Variants in PIGC observed in about 807,000 individuals in gnomAD.
PIGC encodes the protein phosphatidylinositol N-acetylglucosaminyltransferase subunit C.
A neutral mutation model predicts 20.9 loss-of-function variants in PIGC; 14 were observed. The observed-to-expected ratio is 0.67, with a 90% CI of 0.44 to 1.05. The LOEUF is 1.05. Among genes scored for constraint, PIGC ranks in the 50% least tolerant of loss-of-function variants. The probability of loss-of-function intolerance (pLI) is 0.00; values close to 1 mark genes in which losing one functional copy is unlikely to be tolerated. For missense variants in PIGC, 310 were observed against 360.9 expected (o/e 0.86, Z 1.14); for synonymous variants, 132 against 141.4 (o/e 0.93, Z 0.47).
At position 172,442,304 on chromosome 1, in the gene PIGC, C is replaced by T; in HGVS notation, c.319G>A (p.Glu107Lys). The change falls in exon 2 of 2, where the codon GAA (glutamate) becomes AAA (lysine). Residue 107 changes from glutamate (E) to lysine (K), a missense_variant. Glu to Lys is a moderately conservative substitution (Grantham distance 56). Coordinates refer to ENST00000344529, the MANE Select transcript of PIGC (RefSeq NM_153747.2). Reference protein sequence around the residue: ...YVLFDLIDGGEGRKKSGQTRW... With the variant: ...YVLFDLIDGGKGRKKSGQTRW... ...GTCTGCCCACTCTTCTTCCGCCCTT[C>T]ACCTCCATCAATGAGATCAAACAAA... The T allele has an allele frequency of 6.2e-7, 1 of 1,613,572 alleles. No individual in the cohort carries two copies. Among genetic ancestry groups the T allele is most frequent in the Non-Finnish European group, 8.5e-7 (1 of 1,180,020 alleles).
Position 172,441,583 on chromosome 1 carries a change from C to T in PIGC, c.*146G>A. 1.5e-6 allele frequency: 1 copy of T among 687,036 alleles called. No individual in the cohort carries two copies. The highest frequency in any genetic ancestry group is 3.2e-5 in the South Asian group (1 of 31,362). The allele number at this position is 687,036 out of a possible 1,614,324, so 42.6% of individuals were successfully genotyped here. On this transcript the variant is annotated 3_prime_UTR_variant, in exon 2 of 2. Coordinates refer to ENST00000344529, the MANE Select transcript of PIGC (RefSeq NM_153747.2). Reference sequence around the variant, plus strand: ...AGGATAAGCACCCTCACCACCCAAGCCTTTGGTTCATTTTTTTTGGTTTTG... The same window carrying T: ...AGGATAAGCACCCTCACCACCCAAGTCTTTGGTTCATTTTTTTTGGTTTTG...
chr1:172,442,725 T>G lies in PIGC; in HGVS notation c.-103A>C. The stretch of plus-strand genomic sequence containing the variant: ...TTTGAAATGAGACCTCCCTGGAAAT[T>G]CCATGCTGTGTTGATGTTCTACCAA... On this transcript the variant is annotated 5_prime_UTR_variant, in exon 2 of 2. Coordinates refer to ENST00000344529, the MANE Select transcript of PIGC (RefSeq NM_153747.2). The G allele has an allele frequency of 1.0e-6, 1 of 994,490 alleles. No homozygotes were observed. The highest frequency in any genetic ancestry group is 1.5e-6 in the Non-Finnish European group (1 of 648,362). 61.6% of individuals were successfully genotyped at this position (994,490 alleles called of 1,614,324 possible).
rs767758085 is a variant in PIGC, at chr1:172,441,695, C to T, written c.*34G>A. On this transcript the variant is annotated 3_prime_UTR_variant, in exon 2 of 2. Coordinates refer to ENST00000344529, the MANE Select transcript of PIGC (RefSeq NM_153747.2). ...TATACTAGTTAGGAGGCTAATCTAT[C>T]AGCTTGCTTTAATAATGTAATGGAT... 1.3e-5 allele frequency: 20 copies of T among 1,494,034 alleles called. No homozygotes were observed. Among genetic ancestry groups the T allele is most frequent in the Admixed American group, 4.5e-5 (2 of 44,680 alleles). The allele number at this position is 1,494,034 out of a possible 1,614,324, so 92.5% of individuals were successfully genotyped here.
At position 172,441,575 on chromosome 1, in the gene PIGC, C is replaced by A; in HGVS notation, c.*154G>T. On this transcript the variant is annotated 3_prime_UTR_variant, in exon 2 of 2. Coordinates refer to ENST00000344529, the MANE Select transcript of PIGC (RefSeq NM_153747.2). Reference sequence around the variant, plus strand: ...TAACAGAAAGGATAAGCACCCTCACCACCCAAGCCTTTGGTTCATTTTTTT... The same window carrying A: ...TAACAGAAAGGATAAGCACCCTCACAACCCAAGCCTTTGGTTCATTTTTTT... The A allele has an allele frequency of 1.6e-6, 1 of 621,938 alleles. No homozygotes were observed. Among genetic ancestry groups the A allele is most frequent in the Admixed American group, 2.9e-5 (1 of 34,742 alleles). The allele number at this position is 621,938 out of a possible 1,614,324, so 38.5% of individuals were successfully genotyped here. A position where few individuals can be genotyped will look rare whatever the true frequency, so the allele number is the denominator to read the frequency against.
Position 172,444,030 on chromosome 1 carries a change from C to G in PIGC, c.-251G>C. 2 of 1,000,102 alleles carry G rather than the reference C, an allele frequency of 2.0e-6. No individual in the cohort carries two copies. Among genetic ancestry groups the G allele is most frequent in the Non-Finnish European group, 2.4e-6 (2 of 830,194 alleles). The allele number at this position is 1,000,102 out of a possible 1,614,324, so 62.0% of individuals were successfully genotyped here. On this transcript the variant is annotated 5_prime_UTR_variant, in exon 1 of 2. Transcript: ENST00000344529. Reference sequence around the variant, plus strand: ...TGCGCAGCTGGGGGACGGCGGCACCCAGCCTTTTTCCCGCTTCGGGGCGCC... The same window carrying G: ...TGCGCAGCTGGGGGACGGCGGCACCGAGCCTTTTTCCCGCTTCGGGGCGCC...
At position 172,442,019 on chromosome 1, in the gene PIGC, T is replaced by A. The variant is rs1573853653; in HGVS notation, c.604A>T (p.Met202Leu). The change falls in exon 2 of 2, where the codon ATG becomes TTG. Residue 202 changes from methionine (M) to leucine (L), a missense_variant. Transcript: ENST00000344529. ...AAAATCTGAATGGCAAATGTCACCA[T>A]GATGAAGGCATGCAGGGACCGGGGA... ...RLPRSLHAFI[M>L]VTFAIQIFAL... The A allele has an allele frequency of 6.2e-7, 1 of 1,614,178 alleles. No individual in the cohort carries two copies. The highest frequency in any genetic ancestry group is 1.6e-4 in the Middle Eastern group (1 of 6,062).
At position 172,442,698 on chromosome 1, in the gene PIGC, G is replaced by T; in HGVS notation, c.-76C>A. The stretch of plus-strand genomic sequence containing the variant: ...CCAGGTGGTTCTTGTTCTTTATGAA[G>T]TTTTGAAATGAGACCTCCCTGGAAA... On this transcript the variant is annotated 5_prime_UTR_variant, in exon 2 of 2. Transcript: ENST00000344529. The T allele has an allele frequency of 7.8e-7, 1 of 1,281,966 alleles. No homozygotes were observed. Among genetic ancestry groups the T allele is most frequent in the Non-Finnish European group, 1.1e-6 (1 of 907,868 alleles). 79.4% of individuals were successfully genotyped at this position (1,281,966 alleles called of 1,614,324 possible). A position where few individuals can be genotyped will look rare whatever the true frequency, so the allele number is the denominator to read the frequency against.
At chr1:172,442,954 G>T in intron 1 of PIGC, 124 bp from the exon 2 acceptor site, 1 of 231,826 alleles carries the variant, frequency 4.3e-6, no homozygotes, top group South Asian at 1.1e-4. Context: ...TCACCTTATG[G>T]GACATTAAAA....
Position 172,444,017 on chromosome 1 carries a change from G to C in PIGC, c.-238C>G, listed in dbSNP as rs1647665880. 1.0e-6 allele frequency: 1 copy of C among 1,000,054 alleles called. No homozygotes were observed. The highest frequency in any genetic ancestry group is 1.2e-6 in the Non-Finnish European group (1 of 830,176). The allele number at this position is 1,000,054 out of a possible 1,614,324, so 61.9% of individuals were successfully genotyped here. On this transcript the variant is annotated 5_prime_UTR_variant, in exon 1 of 2. Coordinates refer to ENST00000344529, the MANE Select transcript of PIGC (RefSeq NM_153747.2). ...GAGTTCCTAGGGTTGCGCAGCTGGG[G>C]GACGGCGGCACCCAGCCTTTTTCCC... is the stretch of plus-strand genomic sequence containing the variant.
chr1:172,441,751 T>A lies in PIGC; in HGVS notation c.872A>T (p.Asp291Val), dbSNP rs1347758403. 1 of 1,559,858 alleles carries A rather than the reference T, an allele frequency of 6.4e-7. No homozygotes were observed. Among genetic ancestry groups the A allele is most frequent in the Admixed American group, 2.0e-5 (1 of 50,900 alleles). ...AATTTAACTGAGGAACCTGGACAAGTCTTCCTTGATTTCAGCTTCATCCCA... is the reference window on the plus strand; with the variant it reads ...AATTTAACTGAGGAACCTGGACAAGACTTCCTTGATTTCAGCTTCATCCCA... ...GPWDEAEIKE[D>V]LSRFLS Residue 291 changes from aspartate (D) to valine (V), a missense_variant, in exon 2 of 2, where the codon GAC (aspartate) becomes GTC (valine). Physicochemically the swap from Asp to Val is radical, Grantham distance 152. Transcript: ENST00000344529.
rs1434837766 is a variant in PIGC, at chr1:172,441,584, C to T, written c.*145G>A. The T allele has an allele frequency of 1.3e-5, 9 of 701,840 alleles. No homozygotes were observed. In the East Asian group the frequency reaches 2.2e-4, roughly 17 times the overall value. The allele number at this position is 701,840 out of a possible 1,614,324, so 43.5% of individuals were successfully genotyped here. A position where few individuals can be genotyped will look rare whatever the true frequency, so the allele number is the denominator to read the frequency against. On this transcript the variant is annotated 3_prime_UTR_variant, in exon 2 of 2. Transcript: ENST00000344529. ...GGATAAGCACCCTCACCACCCAAGC[C>T]TTTGGTTCATTTTTTTTGGTTTTGA... is the stretch of plus-strand genomic sequence containing the variant.
intron 1 of PIGC, chr1:172,443,275 T>A (rs1558133229): frequency 6.0e-6 from 1 of 167,162 alleles, no homozygotes; most frequent in African/African-American, 2.4e-5. Flanking sequence ...CCCTTAGGTA[T>A]ATCACATTGC....
Position 172,442,240 on chromosome 1 carries a change from G to A in PIGC, c.383C>T (p.Thr128Ile). 2 of 1,613,946 alleles carry A rather than the reference G, an allele frequency of 1.2e-6. No homozygotes were observed. The highest frequency in any genetic ancestry group is 1.7e-6 in the Non-Finnish European group (2 of 1,179,908). Residue 128 changes from threonine to isoleucine, a missense_variant, in exon 2 of 2, where the codon ACT becomes ATT. By Grantham distance (89) the Thr-to-Ile change is moderately conservative (BLOSUM62 -1). Coordinates refer to ENST00000344529, the MANE Select transcript of PIGC (RefSeq NM_153747.2). ...ADLKSALVFI[T>I]FTYGFSPVLK... is the part of the protein sequence containing the mutation. Reference sequence around the variant, plus strand: ...CACTGGTGAAAACCCATAAGTGAAAGTAATGAAGACTAGGGCACTCTTCAG... The same window carrying A: ...CACTGGTGAAAACCCATAAGTGAAAATAATGAAGACTAGGGCACTCTTCAG...
chr1:172,442,774 G>A lies in PIGC; in HGVS notation c.-152C>T, dbSNP rs2149170220. 1.5e-6 allele frequency: 1 copy of A among 678,998 alleles called. No individual in the cohort carries two copies. Among genetic ancestry groups the A allele is most frequent in the Non-Finnish European group, 2.6e-6 (1 of 385,154 alleles). The allele number at this position is 678,998 out of a possible 1,614,324, so 42.1% of individuals were successfully genotyped here. A position where few individuals can be genotyped will look rare whatever the true frequency, so the allele number is the denominator to read the frequency against. The stretch of plus-strand genomic sequence containing the variant: ...AACCTTTCCTTGTTTTCAAAGGCAG[G>A]GGCTAGGCCTACAATAGATGAATTT... On this transcript the variant is annotated 5_prime_UTR_variant, in exon 2 of 2. Coordinates refer to ENST00000344529, the MANE Select transcript of PIGC (RefSeq NM_153747.2).
In PIGC at chr1:172,444,012, C is replaced by G; in HGVS notation, c.-233G>C. The G allele has an allele frequency of 4.0e-6, 4 of 1,000,254 alleles. No homozygotes were observed. The highest frequency in any genetic ancestry group is 3.6e-6 in the Non-Finnish European group (3 of 830,184). The allele number at this position is 1,000,254 out of a possible 1,614,324, so 62.0% of individuals were successfully genotyped here. On this transcript the variant is annotated 5_prime_UTR_variant, in exon 1 of 2. Transcript: ENST00000344529. ...CCCGAGAGTTCCTAGGGTTGCGCAGCTGGGGGACGGCGGCACCCAGCCTTT... is the reference window on the plus strand; with the variant it reads ...CCCGAGAGTTCCTAGGGTTGCGCAGGTGGGGGACGGCGGCACCCAGCCTTT...
rs180968380 is a variant in PIGC, at chr1:172,442,430, C to T, written c.193G>A (p.Val65Ile). 2 of 1,614,152 alleles carry T rather than the reference C, an allele frequency of 1.2e-6. No individual in the cohort carries two copies. The highest frequency in any genetic ancestry group is 1.3e-5 in the African/African-American group (1 of 75,030). The change falls in exon 2 of 2, where the codon GTT becomes ATT. Residue 65 changes from valine to isoleucine, a missense_variant. Physicochemically the swap from Val to Ile is conservative, Grantham distance 29 (BLOSUM62 3). Coordinates refer to ENST00000344529, the MANE Select transcript of PIGC (RefSeq NM_153747.2). ...SSVVIQQLCS[V>I]CVFVVIWWYM... ...CACCAGATAACCACAAAAACACAAA[C>T]ACTGCACAGCTGCTGGATCACCACA... is the stretch of plus-strand genomic sequence containing the variant.
rs1647412943 is a variant in PIGC at position 172,442,399 on chromosome 1, A to G, written c.224T>C (p.Met75Thr). The change falls in exon 2 of 2, where the codon ATG (methionine) becomes ACG (threonine). Residue 75 changes from methionine to threonine, a missense_variant. Coordinates refer to ENST00000344529, the MANE Select transcript of PIGC (RefSeq NM_153747.2). ...ATGGGGGGCCAGAAGACCCTCATCC[A>G]TATACCACCAGATAACCACAAAAAC... ...VCVFVVIWWY[M>T]DEGLLAPHWL... The G allele has an allele frequency of 1.2e-6, 2 of 1,613,958 alleles. No individual in the cohort carries two copies. The highest frequency in any genetic ancestry group is 1.7e-6 in the Non-Finnish European group (2 of 1,180,016).
Position 172,442,753 on chromosome 1 carries a change from T to C in PIGC, c.-131A>G. The C allele has an allele frequency of 1.3e-6, 1 of 788,886 alleles. No homozygotes were observed. Among genetic ancestry groups the C allele is most frequent in the Non-Finnish European group, 2.1e-6 (1 of 475,436 alleles). 48.9% of individuals were successfully genotyped at this position (788,886 alleles called of 1,614,324 possible). On this transcript the variant is annotated 5_prime_UTR_variant, in exon 2 of 2. Transcript: ENST00000344529. Reference sequence around the variant, plus strand: ...ATGCTGTGTTGATGTTCTACCAACCTTTCCTTGTTTTCAAAGGCAGGGGCT... The same window carrying C: ...ATGCTGTGTTGATGTTCTACCAACCCTTCCTTGTTTTCAAAGGCAGGGGCT...
chr1:172,442,326 C>A lies in PIGC; in HGVS notation c.297G>T (p.Leu99Phe), dbSNP rs747021702. ...GLASSLIGYV[L>F]FDLIDGGEGR... ...CTTCACCTCCATCAATGAGATCAAA[C>A]AAAACATACCCAATCAGTGAAGAAG... The change falls in exon 2 of 2, where the codon TTG (leucine) becomes TTT (phenylalanine). Residue 99 changes from leucine to phenylalanine, a missense_variant. By Grantham distance (22) the Leu-to-Phe change is conservative (BLOSUM62 0). Transcript: ENST00000344529. 6.2e-7 allele frequency: 1 copy of A among 1,613,252 alleles called. No individual in the cohort carries two copies. Among genetic ancestry groups the A allele is most frequent in the South Asian group, 1.1e-5 (1 of 91,030 alleles).
Sources: allele counts gnomAD v4.1 joint callset, GRCh38; gene constraint gnomAD v4.1.1; transcripts MANE v1.5; gene names NCBI Gene and HGNC (gene_info 2026-07-23, HGNC 2026-07-21).